The following SH3BP2 variants were observed in gnomAD, a reference collection of about 807,000 sequenced individuals.
The protein encoded by SH3BP2 is SH3 domain binding protein 2.
A neutral mutation model predicts 56.2 loss-of-function variants in SH3BP2; 38 were observed. That is an observed-to-expected ratio of 0.68 (90% confidence interval 0.52 to 0.89). The LOEUF (loss-of-function observed/expected upper bound fraction) is 0.89, where lower values mean the gene tolerates loss of function less well. SH3BP2 is among the 40% of genes least tolerant of loss of function. SH3BP2 has a pLI of 0.00. For missense variants in SH3BP2, 748 were observed against 762.6 expected (o/e 0.98, Z 0.23); for synonymous variants, 346 against 316.7 (o/e 1.09, Z -0.98).
rs754384594 is a variant in SH3BP2 at position 2,829,940 on chromosome 4, C to T, written c.1034C>T (p.Pro345Leu). 2 of 1,613,422 alleles carry T rather than the reference C, an allele frequency of 1.2e-6. No individual in the cohort carries two copies. Among genetic ancestry groups the T allele is most frequent in the African/African-American group, 1.3e-5 (1 of 74,908 alleles). ...TTCCACCTGTCCCCCCGAGGACCACCCACATCTGAGCCCCCACCTGTGCCA... is the reference window on the plus strand; with the variant it reads ...TTCCACCTGTCCCCCCGAGGACCACTCACATCTGAGCCCCCACCTGTGCCA... ...KSFHLSPRGP[P>L]TSEPPPVPAN... Residue 345 changes from proline to leucine, a missense_variant, in exon 8 of 13, where the codon CCC (proline) becomes CTC (leucine). By Grantham distance (98) the Pro-to-Leu change is moderately conservative. This residue lies in a region of SH3BP2 where 635 missense variants were observed against 615.0 expected (regional missense o/e 1.03). Transcript: ENST00000503393. This position sits in a 1 kb window ranked among gnomAD's most constrained non-coding sequence, Gnocchi z 4.9.
At chr4:2,822,387 T>C (rs34993433) in intron 2 of SH3BP2, among the ~76,000 whole-genome samples, 32,017 of 152,146 alleles carry the variant, frequency 0.21, 4,372 homozygotes, top group East Asian at 0.46. Flanking sequence ...CTTTTATTTT[T>C]AGAGACAGTC....
At chr4:2,796,880 C>A (rs948699549) in intron 1 of SH3BP2, among the ~76,000 whole-genome samples, 3 of 152,218 alleles carry the variant, frequency 2.0e-5, no homozygotes, top group Admixed American at 6.5e-5. Flanking sequence ...CCGAGGGAAG[C>A]GGCACAGAGC....
At chr4:2,833,644 G>C (rs937941803) in intron 12 of SH3BP2, 53 bp from the exon 13 acceptor site, 1 of 1,579,878 alleles carries the variant, frequency 6.3e-7, no homozygotes, top group Non-Finnish European at 8.6e-7. Flanking sequence ...CTGAGGCCTA[G>C]AGCCGCAGAG....
chr4:2,817,011 C>T (rs990651875), intron 1 of SH3BP2, among the ~76,000 whole-genome samples: 1 of 152,246 alleles, frequency 6.6e-6, no homozygotes, highest in South Asian at 2.1e-4. Flanking sequence ...TGAGCCAACT[C>T]TTGATGGCTG....
At chr4:2,823,111 GCC>G in intron 3 of SH3BP2, 74 bp downstream of exon 3, 6 of 1,098,484 alleles carry the variant, frequency 5.5e-6, no homozygotes, top group Non-Finnish European at 6.9e-6. Context: ...CCCCAGCTGG[GCC>G]TGCCCCTTAT....
At chr4:2,814,807 A>C (rs1215213597) in intron 1 of SH3BP2, 1 of 152,224 alleles carries the variant, frequency 6.6e-6, no homozygotes, top group Non-Finnish European at 1.5e-5. Context: ...ACTCTCCCTC[A>C]CAGCTCCTGC....
chr4:2,802,404 ATGTGTG>A (rs1175501543), intron 1 of SH3BP2, among the ~76,000 whole-genome samples: 2,278 of 135,946 alleles, frequency 0.017, 48 homozygotes, highest in African/African-American at 0.057. Flanking sequence ...AAAAAAATAT[ATGTGTG>A]TGTGTGTGTG....
At chr4:2,796,058 AT>A (rs1723051199) in intron 1 of SH3BP2, among the ~76,000 whole-genome samples, 1 of 152,082 alleles carries the variant, frequency 6.6e-6, no homozygotes, top group Non-Finnish European at 1.5e-5. Flanking sequence ...GGTAGACAGG[AT>A]GGTGCCAAGA....
At chr4:2,819,396 A>T (rs2108724369) in intron 1 of SH3BP2, among the ~76,000 whole-genome samples, 1 of 152,270 alleles carries the variant, frequency 6.6e-6, no homozygotes, top group Admixed American at 6.5e-5. Flanking sequence ...AATTAAAAAA[A>T]AATTTTTTTT....
At chr4:2,823,955 C>G (rs1724451511) in intron 3 of SH3BP2, among the ~76,000 whole-genome samples, 1 of 152,240 alleles carries the variant, frequency 6.6e-6, no homozygotes, top group African/African-American at 2.4e-5. Flanking sequence ...CAGACAGACA[C>G]AGCGCCTTCC....
At chr4:2,804,708 TG>T (rs1353502144) in intron 1 of SH3BP2, among the ~76,000 whole-genome samples, 5 of 152,208 alleles carry the variant, frequency 3.3e-5, no homozygotes, top group African/African-American at 7.2e-5. Context: ...AGAGTGGGCC[TG>T]GGGTTTCTCC....
At chr4:2,807,138 C>T (rs770728034) in intron 1 of SH3BP2, among the ~76,000 whole-genome samples, 3 of 152,240 alleles carry the variant, frequency 2.0e-5, no homozygotes, top group South Asian at 2.1e-4. Flanking sequence ...TGTTTTGCAG[C>T]GAGCAGCCTC....
Position 2,829,459 on chromosome 4 carries a change from G to T in SH3BP2, c.587-34G>T. 6.2e-7 allele frequency: 1 copy of T among 1,611,358 alleles called. No homozygotes were observed. The highest frequency in any genetic ancestry group is 8.5e-7 in the Non-Finnish European group (1 of 1,178,210). ...AGAGGATAGTGTTGGCCCAGTCTCTGTCAGGGTCCAACCCGGGTCTCTTTG... is the reference window on the plus strand; with the variant it reads ...AGAGGATAGTGTTGGCCCAGTCTCTTTCAGGGTCCAACCCGGGTCTCTTTG... On this transcript the variant is annotated intron_variant, in intron 7 of 12. Coordinates refer to ENST00000503393, the MANE Select transcript of SH3BP2 (RefSeq NM_001122681.2). This position sits in a 1 kb window ranked among gnomAD's most constrained non-coding sequence, Gnocchi z 4.9.
At position 2,831,528 on chromosome 4, in the gene SH3BP2, C is replaced by CT. The variant is rs1724984130; in HGVS notation, c.1242-42dup. On this transcript the variant is annotated intron_variant, in intron 8 of 12. Transcript: ENST00000503393. This position sits in a 1 kb window ranked among gnomAD's most constrained non-coding sequence, Gnocchi z 4.1. The stretch of plus-strand genomic sequence containing the variant: ...GGAGCAGAGGGTGGCCGCCCCGTGT[C>CT]TGACAGTGAAATGGTCCTGCCTTCC... 5 of 1,475,844 alleles carry CT rather than the reference C, an allele frequency of 3.4e-6. No homozygotes were observed. Among genetic ancestry groups the CT allele is most frequent in the Non-Finnish European group, 4.6e-6 (5 of 1,077,968 alleles). 91.4% of individuals were successfully genotyped at this position (1,475,844 alleles called of 1,614,324 possible).
intron 5 of SH3BP2, chr4:2,826,615 T>A: frequency 3.0e-6 from 1 of 334,704 alleles, no homozygotes; most frequent in East Asian, 8.2e-5. Context: ...TGTGTTTGTG[T>A]GTGCATGTCT....
chr4:2,824,376 C>T (rs1460048841), intron 3 of SH3BP2, among the ~76,000 whole-genome samples: 1 of 152,130 alleles, frequency 6.6e-6, no homozygotes, highest in East Asian at 1.9e-4. Context: ...GTCTCCTGTG[C>T]ACTGCTGCTC....
intron 1 of SH3BP2, chr4:2,817,823 C>G (rs1446150196): frequency 6.6e-6 from 1 of 152,236 alleles, no homozygotes; most frequent in African/African-American, 2.4e-5. Context: ...ATGCAGGTGC[C>G]GTTTTGCAGA....
In SH3BP2 at chr4:2,836,001, A is replaced by T. The variant is rs1324128953; in HGVS notation, c.*2167A>T. 3 of 152,328 alleles carry T rather than the reference A, an allele frequency of 2.0e-5. No individual in the cohort carries two copies. The highest frequency in any genetic ancestry group is 7.2e-5 in the African/African-American group (3 of 41,410). 9.4% of individuals were successfully genotyped at this position (152,328 alleles called of 1,614,324 possible). On this transcript the variant is annotated 3_prime_UTR_variant, in exon 13 of 13. Coordinates refer to ENST00000503393, the MANE Select transcript of SH3BP2 (RefSeq NM_001122681.2). The stretch of plus-strand genomic sequence containing the variant: ...AGCCTGGTGCCTGGGGTGCTGAGCT[A>T]GTGAGTGGTGCAGTCCAGGACACCT...
chr4:2,803,784 C>T (rs1723420012), intron 1 of SH3BP2, among the ~76,000 whole-genome samples: 1 of 152,174 alleles, frequency 6.6e-6, no homozygotes, highest in Non-Finnish European at 1.5e-5. Flanking sequence ...CCATGCTTGG[C>T]TAACTCATGT....
Sources: allele counts gnomAD v4.1 joint callset (sites outside exome capture counted in the v4.1 genomes callset), GRCh38; gene constraint gnomAD v4.1.1; regional missense constraint gnomAD v4.1.1; non-coding constraint Gnocchi (gnomAD v3.1); transcripts MANE v1.5; gene names NCBI Gene and HGNC (gene_info 2026-07-23, HGNC 2026-07-21).